UCK1: variants seen among roughly 807,000 people sequenced by gnomAD.
UCK1 encodes the protein cytidine monophosphokinase 1.
UCK1 carries 20 observed loss-of-function variants against 34.0 expected under a neutral mutation model. The observed-to-expected ratio is 0.59, with a 90% CI of 0.41 to 0.86. The LOEUF (loss-of-function observed/expected upper bound fraction) is 0.86. Among genes scored for constraint, UCK1 ranks in the 40% least tolerant of loss-of-function variants. The probability of loss-of-function intolerance (pLI) is 0.00; values close to 1 mark genes in which losing one functional copy is unlikely to be tolerated. For synonymous variants in UCK1, 168 were observed against 155.9 expected (o/e 1.08, Z -0.58); for missense variants, 343 against 383.6 (o/e 0.89, Z 0.88).
rs779442209 is a variant in UCK1 at position 131,531,219 on chromosome 9, C to A, written c.-45G>T. 3 of 1,334,754 alleles carry A rather than the reference C, an allele frequency of 2.2e-6. No individual in the cohort carries two copies. In the South Asian group the frequency reaches 5.3e-5, roughly 24 times the overall value. 82.7% of individuals were successfully genotyped at this position (1,334,754 alleles called of 1,614,324 possible). ...CATCGGGTCCCCGCGCCCGCCCCTTCCCCAGGCCCGGCGCGCCCGCCCAGC... is the reference window on the plus strand; with the variant it reads ...CATCGGGTCCCCGCGCCCGCCCCTTACCCAGGCCCGGCGCGCCCGCCCAGC... On this transcript the variant is annotated 5_prime_UTR_variant, in exon 1 of 7. Transcript: ENST00000372215.
At position 131,527,459 on chromosome 9, in the gene UCK1, C is replaced by T. The variant is rs1006919461; in HGVS notation, c.604-1482G>A. ...ATATCCAGAGTTTTACTGCGAATCA[C>T]CTACTTTTTGCCAAATATCTTTCTG... On this transcript the variant is annotated intron_variant, in intron 5 of 6. Transcript: ENST00000372215. Among the ~76,000 whole-genome samples the T allele has an allele frequency of 5.3e-5, 8 of 152,314 alleles. 1 individual carries two copies. Among genetic ancestry groups the T allele is most frequent in the Non-Finnish European group, 8.8e-5 (6 of 68,028 alleles).
chr9:131,530,185 G>A (rs1162366215), intron 2 of UCK1, among the ~76,000 whole-genome samples: 3 of 152,240 alleles, frequency 2.0e-5, no homozygotes, highest in African/African-American at 7.2e-5. Context: ...AACGTGGGAA[G>A]GGAAGATGGG....
chr9:131,530,694 C>A, intron 1 of UCK1, 49 bp from the exon 2 acceptor site: 1 of 1,614,132 alleles, frequency 6.2e-7, no homozygotes, highest in Non-Finnish European at 8.5e-7. Flanking sequence ...CGTCCTGTGA[C>A]AGGCACGGGG....
Position 131,531,137 on chromosome 9 carries a change from GC to G in UCK1, c.37del (p.Ala13ArgfsTer13). The G allele has an allele frequency of 6.9e-7, 1 of 1,449,890 alleles. No homozygotes were observed. The highest frequency in any genetic ancestry group is 2.7e-5 in the Admixed American group (1 of 37,332). The allele number at this position is 1,449,890 out of a possible 1,614,324, so 89.8% of individuals were successfully genotyped here. A position where few individuals can be genotyped will look rare whatever the true frequency, so the allele number is the denominator to read the frequency against. The part of the protein sequence containing the change: ...SAGGEDCESP[A>X]PEADRPHQRP... ...CTGGTGCGGACGGTCGGCCTCCGGC[GC>G]GGGGCTCTCGCAGTCTTCGCCTCCC... On this transcript the variant is annotated frameshift_variant, in exon 1 of 7. Coordinates refer to ENST00000372215, the MANE Select transcript of UCK1 (RefSeq NM_031432.5). LOFTEE classifies it high-confidence loss of function.
chr9:131,528,928 C>A lies in UCK1; in HGVS notation c.603+16G>T, dbSNP rs199901533. On this transcript the variant is annotated intron_variant, in intron 5 of 6. Transcript: ENST00000372215. ...TGAAAGGGGAAAATGGGCTCTGAAG[C>A]AGCGAGCACAGGTACCGGCAGGCAG... The A allele has an allele frequency of 3.2e-5, 52 of 1,613,344 alleles. No individual in the cohort carries two copies. Among genetic ancestry groups the A allele is most frequent in the Non-Finnish European group, 4.2e-5 (50 of 1,179,670 alleles).
chr9:131,527,319 C>T (rs918406019), intron 5 of UCK1, among the ~76,000 whole-genome samples: 3 of 151,954 alleles, frequency 2.0e-5, no homozygotes, highest in Non-Finnish European at 4.4e-5. Context: ...CAGAGGGAGA[C>T]CCTGTCTCAA....
chr9:131,529,715 G>A (rs1950757510), intron 2 of UCK1, 131 bp from the exon 3 acceptor site: 2 of 726,172 alleles, frequency 2.8e-6, no homozygotes, highest in Admixed American at 4.5e-5. Flanking sequence ...GGTAGACTAG[G>A]ACTACGGCAG....
intron 5 of UCK1, chr9:131,526,613 G>C (rs1426331613): frequency 1.1e-6 from 1 of 891,180 alleles, no homozygotes; most frequent in Non-Finnish European, 1.6e-6. Flanking sequence ...AGGGGAAGCA[G>C]CCTGGAGAAC....
rs1950836305 is a variant in UCK1 at position 131,531,243 on chromosome 9, G to GGCCCGGCGCGCCCGCCCAA, written c.-70_-69insTTGGGCGGGCGCGCCGGGC. 1.6e-6 allele frequency: 2 copies of GGCCCGGCGCGCCCGCCCAA among 1,289,064 alleles called. No homozygotes were observed. The highest frequency in any genetic ancestry group is 3.3e-5 in the African/African-American group (2 of 59,950). The allele number at this position is 1,289,064 out of a possible 1,614,324, so 79.9% of individuals were successfully genotyped here. On this transcript the variant is annotated 5_prime_UTR_variant, in exon 1 of 7. Coordinates refer to ENST00000372215, the MANE Select transcript of UCK1 (RefSeq NM_031432.5). ...TCCCCAGGCCCGGCGCGCCCGCCCA[G>GGCCCGGCGCGCCCGCCCAA]CGCCGAGGTCGGAGGCAACCGGAGC...
rs868661691 is a variant in UCK1 at position 131,526,759 on chromosome 9, G to C, written c.604-782C>G. Among the ~76,000 whole-genome samples the C allele has an allele frequency of 2.0e-5, 3 of 152,268 alleles. No individual in the cohort carries two copies. The South Asian group carries it at 6.2e-4, about 31-fold the overall frequency. The stretch of plus-strand genomic sequence containing the variant: ...CAGAAGAGACAAGCTGCAAGAGGCA[G>C]ACAGGGACCAAGTCCTGGGGACAGC... On this transcript the variant is annotated intron_variant, in intron 5 of 6. Coordinates refer to ENST00000372215, the MANE Select transcript of UCK1 (RefSeq NM_031432.5).
chr9:131,524,999 A>G lies in UCK1; in HGVS notation c.*41T>C, dbSNP rs752727890. 2.5e-6 allele frequency: 4 copies of G among 1,591,090 alleles called. No individual in the cohort carries two copies. Among genetic ancestry groups the G allele is most frequent in the Non-Finnish European group, 3.4e-6 (4 of 1,166,230 alleles). ...GTCCCCAGGCTCAGTCCCTGAACAC[A>G]CATGCCGGGCGGGAGACCTGCCCTG... On this transcript the variant is annotated 3_prime_UTR_variant, in exon 7 of 7. Transcript: ENST00000372215.
Position 131,529,476 on chromosome 9 carries a change from C to A in UCK1, c.365+12G>T. The A allele has an allele frequency of 6.2e-7, 1 of 1,614,172 alleles. No individual in the cohort carries two copies. The highest frequency in any genetic ancestry group is 8.5e-7 in the Non-Finnish European group (1 of 1,180,016). ...CCCCTCTCCTCGGCCCTCCCTAGAA[C>A]CACCTGCTTACCTTGAGTGTGTCAC... On this transcript the variant is annotated intron_variant, in intron 3 of 6. Transcript: ENST00000372215.
chr9:131,528,695 GC>G, intron 5 of UCK1: 1 of 558,996 alleles, frequency 1.8e-6, no homozygotes, highest in Admixed American at 3.1e-5. Context: ...AGGGCCTGAG[GC>G]AGGGAGGAAG....
In UCK1 at chr9:131,530,626, ATCTTC is replaced by A; in HGVS notation, c.123_127del (p.Glu41AspfsTer45). 1 of 1,614,142 alleles carries A rather than the reference ATCTTC, an allele frequency of 6.2e-7. No homozygotes were observed. The highest frequency in any genetic ancestry group is 2.2e-5 in the East Asian group (1 of 44,866). ...CTCGTTCTGTCCCAGCAACTCCATG[ATCTTC>A]TCACACACGGTCGACTGGAGACACA... On this transcript the variant is annotated frameshift_variant, in exon 2 of 7. Transcript: ENST00000372215. LOFTEE classifies it high-confidence loss of function.
At position 131,530,559 on chromosome 9, in the gene UCK1, G is replaced by C. The variant is rs1950794923; in HGVS notation, c.195C>G (p.Asp65Glu). The C allele has an allele frequency of 6.2e-7, 1 of 1,614,250 alleles. No homozygotes were observed. Among genetic ancestry groups the C allele is most frequent in the Non-Finnish European group, 8.5e-7 (1 of 1,180,044 alleles). ...CTGCCGTCAGGACCTTGTAGAACCT[G>C]TCCTGGCTCAGGATGACCACCTTCC... ...RQRKVVILSQ[D>E]RFYKVLTAEQ... is the part of the protein sequence containing the mutation. Residue 65 changes from aspartate to glutamate, a missense_variant, in exon 2 of 7, where the codon GAC (aspartate) becomes GAG (glutamate). Physicochemically the swap from Asp to Glu is conservative, Grantham distance 45. Coordinates refer to ENST00000372215, the MANE Select transcript of UCK1 (RefSeq NM_031432.5).
chr9:131,527,276 C>A (rs1339738447), intron 5 of UCK1, among the ~76,000 whole-genome samples: 3 of 151,708 alleles, frequency 2.0e-5, no homozygotes, highest in South Asian at 4.1e-4. Flanking sequence ...TGCAGTGAAG[C>A]AAGATCTCAC....
intron 1 of UCK1, 30 bp from the exon 2 acceptor site, chr9:131,530,675 G>C (rs752455661): frequency 1.2e-6 from 2 of 1,614,198 alleles, no homozygotes; most frequent in East Asian, 4.5e-5. Context: ...ATTCCCGCCT[G>C]GAACCGCTCG....
Position 131,524,076 on chromosome 9 carries a change from T to G in UCK1, c.*964A>C, listed in dbSNP as rs1020605700. On this transcript the variant is annotated 3_prime_UTR_variant, in exon 7 of 7. Transcript: ENST00000372215. ...CACATGTGAGGCTGTGAGCTCCACA[T>G]AGCACAAAGGAGGCTTGCTGACTTT... 6.6e-6 allele frequency: 1 copy of G among 152,306 alleles called. No homozygotes were observed. Among genetic ancestry groups the G allele is most frequent in the African/African-American group, 2.4e-5 (1 of 41,458 alleles). The allele number at this position is 152,306 out of a possible 1,614,324, so 9.4% of individuals were successfully genotyped here.
At position 131,530,558 on chromosome 9, in the gene UCK1, T is replaced by C. The variant is rs539030488; in HGVS notation, c.196A>G (p.Arg66Gly). ...QRKVVILSQD[R>G]FYKVLTAEQK... The stretch of plus-strand genomic sequence containing the variant: ...TCTGCCGTCAGGACCTTGTAGAACC[T>C]GTCCTGGCTCAGGATGACCACCTTC... The change falls in exon 2 of 7, where the codon AGG becomes GGG. Residue 66 changes from arginine (R) to glycine (G), a missense_variant. Transcript: ENST00000372215. 1.2e-6 allele frequency: 2 copies of C among 1,614,258 alleles called. No individual in the cohort carries two copies.
Sources: gnomAD v4.1 joint callset for allele counts (sites outside exome capture counted in the v4.1 genomes callset) on GRCh38, gnomAD v4.1.1 for gene constraint, MANE v1.5 for transcripts, NCBI Gene and HGNC (gene_info 2026-07-23, HGNC 2026-07-21) for gene names.